WNT7A: variants seen among roughly 807,000 people sequenced by gnomAD.
The protein encoded by WNT7A is protein Wnt-7a.
Under a neutral mutation model 28.2 loss-of-function variants are expected in WNT7A, and 16 were observed. That is an observed-to-expected ratio of 0.57 (90% CI 0.38 to 0.86). WNT7A has a LOEUF of 0.86. WNT7A is among the 40% of genes least tolerant of loss of function. WNT7A has a pLI of 0.00. For synonymous variants in WNT7A, 190 were observed against 195.9 expected (o/e 0.97, Z 0.25); for missense variants, 411 against 489.7 (o/e 0.84, Z 1.52).
At chr3:13,844,994 G>T (rs1046546082) in intron 3 of WNT7A, among the ~76,000 whole-genome samples, 3 of 152,174 alleles carry the variant, frequency 2.0e-5, no homozygotes, top group Non-Finnish European at 4.4e-5. Flanking sequence ...TGTCCCCGGT[G>T]TGCGTCTTTT....
intron 2 of WNT7A, among the ~76,000 whole-genome samples, chr3:13,874,464 G>A (rs991297343): frequency 6.6e-6 from 1 of 152,134 alleles, no homozygotes; most frequent in Non-Finnish European, 1.5e-5. Flanking sequence ...TGCACAGGAC[G>A]GGCAGCAGTA....
At chr3:13,836,473 G>A (rs1488421078) in intron 3 of WNT7A, among the ~76,000 whole-genome samples, 1 of 152,232 alleles carries the variant, frequency 6.6e-6, no homozygotes, top group Admixed American at 6.5e-5. Context: ...CTCAGGTGTG[G>A]CCAGGTGTCT....
intron 2 of WNT7A, among the ~76,000 whole-genome samples, chr3:13,870,259 C>T (rs1014002726): frequency 6.6e-6 from 1 of 152,144 alleles, no homozygotes; most frequent in Non-Finnish European, 1.5e-5. Flanking sequence ...AGTGTGGGCC[C>T]TAATCCTATA....
At chr3:13,870,962 G>T (rs1057336238) in intron 2 of WNT7A, among the ~76,000 whole-genome samples, 6 of 152,198 alleles carry the variant, frequency 3.9e-5, no homozygotes, top group African/African-American at 1.4e-4. Context: ...GCCCATTGCT[G>T]CCTCTCAGCT....
At chr3:13,867,243 G>T (rs1221196851) in intron 2 of WNT7A, among the ~76,000 whole-genome samples, 1 of 152,176 alleles carries the variant, frequency 6.6e-6, no homozygotes, top group East Asian at 1.9e-4. Flanking sequence ...AAAGTCATCT[G>T]CAAGGTAAGG....
At chr3:13,875,547 G>T (rs1695098329) in intron 1 of WNT7A, among the ~76,000 whole-genome samples, 1 of 152,134 alleles carries the variant, frequency 6.6e-6, no homozygotes, top group Non-Finnish European at 1.5e-5. Flanking sequence ...TATTGCTAGG[G>T]AATCATCTCT....
At chr3:13,839,816 G>A (rs1694427952) in intron 3 of WNT7A, among the ~76,000 whole-genome samples, 1 of 152,208 alleles carries the variant, frequency 6.6e-6, no homozygotes, top group Admixed American at 6.5e-5. Context: ...CCCAGGGCCT[G>A]TTTTACAGTT....
At chr3:13,847,744 C>T (rs1217663643) in intron 3 of WNT7A, among the ~76,000 whole-genome samples, 3 of 150,878 alleles carry the variant, frequency 2.0e-5, no homozygotes, top group East Asian at 2.0e-4. Flanking sequence ...TTATGTGGGG[C>T]GCCTAGAGCA....
intron 2 of WNT7A, among the ~76,000 whole-genome samples, chr3:13,873,172 G>A (rs1481336588): frequency 6.6e-6 from 1 of 152,040 alleles, no homozygotes; most frequent in Non-Finnish European, 1.5e-5. Flanking sequence ...TTCTCTCTCT[G>A]GGCCTCTGTT....
rs1491270987 is a variant in WNT7A, at chr3:13,818,350, G to GAAAAAAAAAAAAAAAAAAAA, written c.*593_*594insTTTTTTTTTTTTTTTTTTTT. On this transcript the variant is annotated 3_prime_UTR_variant, in exon 4 of 4. Coordinates refer to ENST00000285018, the MANE Select transcript of WNT7A (RefSeq NM_004625.4). ...ATTTCTGGATAAGTAGCAGCAAACA[G>GAAAAAAAAAAAAAAAAAAAA]CAAAAAAAAAAAAAAAAATGTGTGT... 2.1e-3 allele frequency: 39 copies of GAAAAAAAAAAAAAAAAAAAA among 18,168 alleles called. 1 individual carries two copies. The highest frequency in any genetic ancestry group is 0.013 in the African/African-American group (29 of 2,184). 1.1% of individuals were successfully genotyped at this position (18,168 alleles called of 1,614,324 possible).
At chr3:13,874,286 G>T (rs1695068732) in intron 2 of WNT7A, among the ~76,000 whole-genome samples, 1 of 152,224 alleles carries the variant, frequency 6.6e-6, no homozygotes, top group South Asian at 2.1e-4. Flanking sequence ...CTGGAGACCA[G>T]CATTGCTCTC....
At chr3:13,852,768 A>T (rs1694660732) in intron 3 of WNT7A, among the ~76,000 whole-genome samples, 1 of 152,004 alleles carries the variant, frequency 6.6e-6, no homozygotes, top group Non-Finnish European at 1.5e-5. Context: ...CTGAGCCTCC[A>T]TTTCCATCCC....
chr3:13,843,035 G>A (rs1012086202), intron 3 of WNT7A, among the ~76,000 whole-genome samples: 9 of 152,176 alleles, frequency 5.9e-5, no homozygotes, highest in African/African-American at 1.2e-4. Context: ...GAGGACCAGC[G>A]TGGCCTTGCC....
chr3:13,851,308 T>A (rs1408670270), intron 3 of WNT7A, among the ~76,000 whole-genome samples: 1 of 152,188 alleles, frequency 6.6e-6, no homozygotes, highest in Non-Finnish European at 1.5e-5. Context: ...TGTGTTAGGA[T>A]CTAGCCCCTC....
rs1229312005 is a variant in WNT7A at position 13,854,575 on chromosome 3, G to T, written c.527C>A (p.Ala176Asp). The stretch of plus-strand genomic sequence containing the variant: ...GTTGTGCAAGTTCATGAGAGTCCGG[G>T]CATTCTGCTTGATCTCCCGGGCATC... ...FVDAREIKQNARTLMNLHNNE... is the reference protein window; with the variant it reads ...FVDAREIKQNDRTLMNLHNNE... The change falls in exon 3 of 4, where the codon GCC (alanine) becomes GAC (aspartate). Residue 176 changes from alanine (A) to aspartate (D), a missense_variant. Physicochemically the swap from Ala to Asp is moderately radical, Grantham distance 126 (BLOSUM62 -2). Transcript: ENST00000285018. 1 of 1,614,154 alleles carries T rather than the reference G, an allele frequency of 6.2e-7. No homozygotes were observed. Among genetic ancestry groups the T allele is most frequent in the South Asian group, 1.1e-5 (1 of 91,088 alleles).
chr3:13,880,056 C>G lies in WNT7A; in HGVS notation c.-240G>C. ...GGGGCGACGCCGGGCTGCGCGCGAG[C>G]GACCGGTGCAAGTGTGCGAGACGCG... is the stretch of plus-strand genomic sequence containing the variant. On this transcript the variant is annotated 5_prime_UTR_variant, in exon 1 of 4. Transcript: ENST00000285018. 2.9e-6 allele frequency: 1 copy of G among 343,194 alleles called. No individual in the cohort carries two copies. The highest frequency in any genetic ancestry group is 4.4e-5 in the East Asian group (1 of 22,738). 21.3% of individuals were successfully genotyped at this position (343,194 alleles called of 1,614,324 possible).
At chr3:13,840,309 G>C (rs2124844510) in intron 3 of WNT7A, among the ~76,000 whole-genome samples, 1 of 152,324 alleles carries the variant, frequency 6.6e-6, no homozygotes, top group South Asian at 2.1e-4. Context: ...TCTGACAACA[G>C]ATTCCATATA....
intron 3 of WNT7A, among the ~76,000 whole-genome samples, chr3:13,839,063 A>G (rs1259920380): frequency 6.6e-6 from 1 of 152,268 alleles, no homozygotes; most frequent in East Asian, 1.9e-4. Flanking sequence ...ATATCTTATT[A>G]AATTTAATGT....
At chr3:13,853,450 C>A (rs866912851) in intron 3 of WNT7A, among the ~76,000 whole-genome samples, 1 of 152,168 alleles carries the variant, frequency 6.6e-6, no homozygotes, top group South Asian at 2.1e-4. Flanking sequence ...CACAGACTAG[C>A]CAGTGTGGTC....
Sources: allele counts gnomAD v4.1 joint callset (sites outside exome capture counted in the v4.1 genomes callset), GRCh38; gene constraint gnomAD v4.1.1; transcripts MANE v1.5; gene names NCBI Gene and HGNC (gene_info 2026-07-23, HGNC 2026-07-21).